CNTN5: variants seen among roughly 807,000 people sequenced by gnomAD.
The protein encoded by CNTN5 is contactin-5.
A neutral mutation model predicts 129.1 loss-of-function variants in CNTN5; 77 were observed. The observed-to-expected ratio is 0.60, with a 90% CI of 0.50 to 0.72. The LOEUF (loss-of-function observed/expected upper bound fraction) is 0.72. CNTN5 is among the 30% of genes least tolerant of loss of function. The pLI is 0.00. For synonymous variants in CNTN5, 509 were observed against 465.6 expected (o/e 1.09, Z -1.20); for missense variants, 1,478 against 1,328.8 (o/e 1.11, Z -1.75).
chr11:99,995,012 A>G (rs151244489), intron 8 of CNTN5, among the ~76,000 whole-genome samples: 3 of 152,302 alleles, frequency 2.0e-5, no homozygotes, highest in African/African-American at 4.8e-5. Flanking sequence ...ATAAAGAGAG[A>G]AGAAGTCGTT....
chr11:100,000,544 T>A (rs1176371734), intron 8 of CNTN5, among the ~76,000 whole-genome samples: 1 of 152,178 alleles, frequency 6.6e-6, no homozygotes, highest in Non-Finnish European at 1.5e-5. Flanking sequence ...TGCCTATGGC[T>A]TTTCTGGGTG....
intron 3 of CNTN5, among the ~76,000 whole-genome samples, chr11:99,615,707 A>G (rs1950738651): frequency 6.6e-6 from 1 of 152,140 alleles, no homozygotes; most frequent in Non-Finnish European, 1.5e-5. Flanking sequence ...CACATTCAGG[A>G]AATTGACATT....
At chr11:100,128,513 A>T (rs909045366) in intron 13 of CNTN5, among the ~76,000 whole-genome samples, 4 of 152,172 alleles carry the variant, frequency 2.6e-5, no homozygotes, top group African/African-American at 9.7e-5. Context: ...AACTGATATT[A>T]AACTAGAAAA....
intron 2 of CNTN5, among the ~76,000 whole-genome samples, chr11:99,463,198 G>T (rs1944792094): frequency 6.6e-6 from 1 of 150,924 alleles, no homozygotes; most frequent in Non-Finnish European, 1.5e-5. Context: ...CAGCACTTTG[G>T]GAGGCCGAGG....
intron 3 of CNTN5, among the ~76,000 whole-genome samples, chr11:99,613,923 G>A (rs1950675814): frequency 6.6e-6 from 1 of 152,106 alleles, no homozygotes; most frequent in Admixed American, 6.5e-5. Flanking sequence ...TCTAGATTTT[G>A]CTAAAAATAT....
chr11:100,162,318 T>C (rs1332903811), intron 13 of CNTN5, among the ~76,000 whole-genome samples: 7 of 151,928 alleles, frequency 4.6e-5, no homozygotes, highest in African/African-American at 7.2e-5. Flanking sequence ...ACTTTCATTA[T>C]CCTCTATGCT....
intron 3 of CNTN5, among the ~76,000 whole-genome samples, chr11:99,754,988 G>T (rs1336047609): frequency 1.3e-5 from 2 of 152,114 alleles, no homozygotes; most frequent in Non-Finnish European, 2.9e-5. Flanking sequence ...GCCTTTTCCA[G>T]AATGTATTAT....
chr11:99,394,788 T>C (rs975086721), intron 2 of CNTN5, among the ~76,000 whole-genome samples: 12 of 151,820 alleles, frequency 7.9e-5, no homozygotes, highest in Non-Finnish European at 1.5e-4. Flanking sequence ...AGTGATAACA[T>C]GTGGTATTCG....
At chr11:99,866,598 T>A (rs1223527324) in intron 6 of CNTN5, among the ~76,000 whole-genome samples, 2 of 152,192 alleles carry the variant, frequency 1.3e-5, no homozygotes, top group African/African-American at 2.4e-5. Flanking sequence ...ATATGCATCT[T>A]GTGACTCCAA....
intron 13 of CNTN5, among the ~76,000 whole-genome samples, chr11:100,080,759 GT>G (rs1165135227): frequency 6.6e-6 from 1 of 152,022 alleles, no homozygotes; most frequent in African/African-American, 2.4e-5. Flanking sequence ...AAGTATCTGG[GT>G]TTTCCTTAGT....
chr11:99,100,005 G>C (rs796619325), intron 1 of CNTN5, among the ~76,000 whole-genome samples: 2 of 152,072 alleles, frequency 1.3e-5, no homozygotes, highest in Admixed American at 6.6e-5. Flanking sequence ...TTGGTGTCTT[G>C]GTACATTAAA....
At chr11:99,380,221 A>G (rs1940455153) in intron 2 of CNTN5, among the ~76,000 whole-genome samples, 1 of 152,152 alleles carries the variant, frequency 6.6e-6, no homozygotes, top group Admixed American at 6.6e-5. Context: ...GCAAAGGACC[A>G]AATGATGTTT....
intron 6 of CNTN5, among the ~76,000 whole-genome samples, chr11:99,906,318 C>T (rs1949504821): frequency 6.6e-6 from 1 of 152,056 alleles, no homozygotes; most frequent in African/African-American, 2.4e-5. Flanking sequence ...CCATCAGTAC[C>T]TAGCTTATTG....
chr11:99,419,623 G>A (rs1296073863), intron 2 of CNTN5, among the ~76,000 whole-genome samples: 1 of 152,038 alleles, frequency 6.6e-6, no homozygotes, highest in Non-Finnish European at 1.5e-5. Flanking sequence ...GCTAATGAAG[G>A]GCATGTATCA....
chr11:100,004,390 C>T (rs765265892), intron 9 of CNTN5, among the ~76,000 whole-genome samples: 1 of 152,132 alleles, frequency 6.6e-6, no homozygotes, highest in Non-Finnish European at 1.5e-5. Flanking sequence ...CATTCATCCT[C>T]TGGCCTCAAT....
intron 2 of CNTN5, among the ~76,000 whole-genome samples, chr11:99,468,996 C>A (rs1290276454): frequency 1.3e-5 from 2 of 151,886 alleles, no homozygotes; most frequent in Non-Finnish European, 2.9e-5. Flanking sequence ...GATATTTACT[C>A]CTTGGCCTTC....
Position 99,346,586 on chromosome 11 carries a change from C to A in CNTN5, c.-71+21102C>A, listed in dbSNP as rs559884961. Among the ~76,000 whole-genome samples, 5 of 152,320 alleles carry A rather than the reference C, an allele frequency of 3.3e-5. No individual in the cohort carries two copies. The East Asian group carries it at 9.7e-4, about 29-fold the overall frequency. On this transcript the variant is annotated intron_variant, in intron 2 of 24. Coordinates refer to ENST00000524871, the MANE Select transcript of CNTN5 (RefSeq NM_014361.4). ...TCACAGCTCCAGTAAGGAGTTGAAC[C>A]TCACCAGAGCAGGGTGCACTTGTGA...
At position 99,967,108 on chromosome 11, in the gene CNTN5, A is replaced by G; in HGVS notation, c.877+10099A>G. Among the ~76,000 whole-genome samples, 2 of 152,166 alleles carry G rather than the reference A, an allele frequency of 1.3e-5. 1 individual carries two copies. Among genetic ancestry groups the G allele is most frequent in the Non-Finnish European group, 2.9e-5 (2 of 68,012 alleles). On this transcript the variant is annotated intron_variant, in intron 8 of 24. Coordinates refer to ENST00000524871, the MANE Select transcript of CNTN5 (RefSeq NM_014361.4). ...TTAGGTGACTAAATAAAGAGAGGAT[A>G]TTTGACTATCCATCAAGTACAAGTA...
chr11:99,572,786 A>T (rs889170961), intron 3 of CNTN5, among the ~76,000 whole-genome samples: 2 of 152,172 alleles, frequency 1.3e-5, no homozygotes, highest in African/African-American at 4.8e-5. Context: ...AGATTATCAA[A>T]TGAGAAAACA....
Sources: allele counts gnomAD v4.1 joint callset (sites outside exome capture counted in the v4.1 genomes callset), GRCh38; gene constraint gnomAD v4.1.1; transcripts MANE v1.5; gene names NCBI Gene and HGNC (gene_info 2026-07-23, HGNC 2026-07-21).